The following RASSF6 variants were observed in gnomAD, a reference collection of about 807,000 sequenced individuals.
RASSF6 encodes the protein Ras association domain family member 6, also known as ras association domain-containing protein 6.
A neutral mutation model predicts 44.0 loss-of-function variants in RASSF6; 52 were observed. The ratio of observed to expected loss-of-function variants is 1.18; its 90% CI spans 0.95 to 1.49. RASSF6 has a LOEUF of 1.49. Ranked by LOEUF, RASSF6 falls within the 40% of genes most tolerant of loss-of-function variation. The pLI, the probability that RASSF6 is intolerant of heterozygous loss-of-function variation, is 0.00. For synonymous variants in RASSF6, 162 were observed against 124.6 expected (o/e 1.30, Z -2.00); for missense variants, 464 against 393.3 (o/e 1.18, Z -1.52).
chr4:73,603,438 T>C (rs1414143134), intron 2 of RASSF6, among the ~76,000 whole-genome samples: 1 of 151,812 alleles, frequency 6.6e-6, no homozygotes, highest in East Asian at 1.9e-4. Context: ...ATCATGGCCC[T>C]GGAAGAGAGC....
chr4:73,576,700 C>G lies in RASSF6; in HGVS notation c.753G>C (p.Pro251=), dbSNP rs147932445. Residue 251 remains proline, a synonymous_variant, in exon 9 of 11, where the codon CCG becomes CCC. Coordinates refer to ENST00000307439, the MANE Select transcript of RASSF6 (RefSeq NM_177532.5). ...GTCCCTGTAGGAGCCTCTGCAGTAG[C>G]GGAATGTCTGTCTTCTTTAGTCGTC... is the stretch of plus-strand genomic sequence containing the variant. ...EQRRLKKTDI[P]LLQRLLQGPS... is the part of the protein sequence containing the mutation. The G allele has an allele frequency of 2.5e-6, 4 of 1,612,468 alleles. No individual in the cohort carries two copies. Among genetic ancestry groups the G allele is most frequent in the Middle Eastern group, 1.7e-4 (1 of 6,056 alleles).
At chr4:73,578,981 A>G (rs973805829) in intron 8 of RASSF6, among the ~76,000 whole-genome samples, 4 of 152,026 alleles carry the variant, frequency 2.6e-5, no homozygotes, top group Middle Eastern at 3.2e-3. Context: ...ATGGTTTTGT[A>G]TTTATCACTC....
At chr4:73,593,365 T>A in intron 4 of RASSF6, 86 bp downstream of exon 4, 2 of 1,285,148 alleles carry the variant, frequency 1.6e-6, no homozygotes, top group South Asian at 2.9e-5. Context: ...TACACAAGCT[T>A]AAGTTTCCCT....
chr4:73,581,467 C>G (rs1723641873), intron 8 of RASSF6, among the ~76,000 whole-genome samples: 1 of 152,082 alleles, frequency 6.6e-6, no homozygotes, highest in Non-Finnish European at 1.5e-5. Flanking sequence ...CATGACTCCT[C>G]TAAGAGCAAC....
At chr4:73,618,154 G>A (rs1188420425) in intron 1 of RASSF6, among the ~76,000 whole-genome samples, 1 of 152,026 alleles carries the variant, frequency 6.6e-6, no homozygotes, top group African/African-American at 2.4e-5. Flanking sequence ...TCATTGCTGG[G>A]TCTCTCTGTG....
intron 4 of RASSF6, 85 bp from the exon 5 acceptor site, chr4:73,588,019 G>T: frequency 2.4e-6 from 2 of 826,168 alleles, no homozygotes; most frequent in Non-Finnish European, 4.0e-6. Context: ...TATTAATATA[G>T]TAATACTGTG....
Position 73,575,029 on chromosome 4 carries a change from C to A in RASSF6, c.*1206G>T, listed in dbSNP as rs756913284. On this transcript the variant is annotated 3_prime_UTR_variant, in exon 11 of 11. Transcript: ENST00000307439. ...TTGAAAAGGCCATAGCACACTTTCA[C>A]CTTCAACCAGTTTAGGTTTGGTAAT... 6.6e-6 allele frequency: 1 copy of A among 152,128 alleles called. No individual in the cohort carries two copies. The highest frequency in any genetic ancestry group is 1.5e-5 in the Non-Finnish European group (1 of 68,022). The allele number at this position is 152,128 out of a possible 1,614,324, so 9.4% of individuals were successfully genotyped here.
At chr4:73,593,381 A>C (rs1724710634) in intron 4 of RASSF6, 70 bp downstream of exon 4, 6 of 1,405,606 alleles carry the variant, frequency 4.3e-6, no homozygotes, top group Admixed American at 2.2e-5. Flanking sequence ...TCCCTCCTTA[A>C]GAGTGCACGC....
chr4:73,617,330 G>T (rs574023861), intron 1 of RASSF6, among the ~76,000 whole-genome samples: 2 of 152,278 alleles, frequency 1.3e-5, no homozygotes, highest in South Asian at 4.1e-4. Context: ...TCTGCTCAAG[G>T]TGCCCTCAGG....
chr4:73,609,450 C>CAA (rs1281427689), intron 2 of RASSF6, among the ~76,000 whole-genome samples: 3 of 152,152 alleles, frequency 2.0e-5, no homozygotes, highest in Non-Finnish European at 4.4e-5. Flanking sequence ...TTTCTAAACT[C>CAA]AGAGAATTCT....
intron 4 of RASSF6, among the ~76,000 whole-genome samples, chr4:73,590,732 G>A (rs1724483242): frequency 6.6e-6 from 1 of 152,176 alleles, no homozygotes; most frequent in Admixed American, 6.5e-5. Context: ...TCTTGCTCTT[G>A]TTTGCGTGTG....
chr4:73,609,855 T>C (rs1725884375), intron 2 of RASSF6, among the ~76,000 whole-genome samples: 1 of 152,190 alleles, frequency 6.6e-6, no homozygotes, highest in African/African-American at 2.4e-5. Flanking sequence ...ATTTTGTTTA[T>C]GTTAGGAGGT....
intron 8 of RASSF6, among the ~76,000 whole-genome samples, chr4:73,577,309 T>C (rs867730292): frequency 2.6e-5 from 4 of 152,156 alleles, no homozygotes; most frequent in Non-Finnish European, 5.9e-5. Flanking sequence ...TCCAATCTGG[T>C]GTGTTTCCAG....
intron 1 of RASSF6, among the ~76,000 whole-genome samples, chr4:73,617,680 T>G (rs1220652502): frequency 3.9e-5 from 6 of 152,246 alleles, no homozygotes; most frequent in Admixed American, 6.5e-5. Flanking sequence ...ACACTTCATG[T>G]TCTACTCCTG....
At chr4:73,600,402 C>T (rs1725203427) in intron 2 of RASSF6, among the ~76,000 whole-genome samples, 1 of 151,552 alleles carries the variant, frequency 6.6e-6, no homozygotes, top group African/African-American at 2.4e-5. Context: ...AAAAAAGACC[C>T]AACAAGTCAT....
chr4:73,572,207 G>T lies in RASSF6; in HGVS notation c.*4028C>A, dbSNP rs1447560060. On this transcript the variant is annotated 3_prime_UTR_variant, in exon 11 of 11. Transcript: ENST00000307439. ...ATTCCCTGCTGGCATTTGATAGAAG[G>T]TCTCAGTTCTTCATCATGTAGGTCT... 1 of 152,140 alleles carries T rather than the reference G, an allele frequency of 6.6e-6. No individual in the cohort carries two copies. Among genetic ancestry groups the T allele is most frequent in the Non-Finnish European group, 1.5e-5 (1 of 68,060 alleles). 9.4% of individuals were successfully genotyped at this position (152,140 alleles called of 1,614,324 possible). A position where few individuals can be genotyped will look rare whatever the true frequency, so the allele number is the denominator to read the frequency against.
At position 73,620,334 on chromosome 4, in the gene RASSF6, T is replaced by C. The variant is rs1726620015; in HGVS notation, c.-81A>G. ...GGAGGACCCTTTTCACCATCGTTGT[T>C]CGGCTGAACTTGCTTCGCGGTTTGT... On this transcript the variant is annotated 5_prime_UTR_variant, in exon 1 of 11. Transcript: ENST00000307439. 2 of 1,483,224 alleles carry C rather than the reference T, an allele frequency of 1.3e-6. No homozygotes were observed. Among genetic ancestry groups the C allele is most frequent in the Admixed American group, 2.9e-5 (1 of 34,334 alleles). The allele number at this position is 1,483,224 out of a possible 1,614,324, so 91.9% of individuals were successfully genotyped here.
chr4:73,577,875 A>T (rs902775512), intron 8 of RASSF6, among the ~76,000 whole-genome samples: 1 of 152,184 alleles, frequency 6.6e-6, no homozygotes, highest in Non-Finnish European at 1.5e-5. Context: ...ATCTGGAAGG[A>T]CTTGGGAATC....
At chr4:73,596,597 A>T (rs1724957407) in intron 3 of RASSF6, among the ~76,000 whole-genome samples, 1 of 152,226 alleles carries the variant, frequency 6.6e-6, no homozygotes, top group South Asian at 2.1e-4. Context: ...ACTACTGTTG[A>T]CATTCTTCAC....
Sources: gnomAD v4.1 joint callset for allele counts (sites outside exome capture counted in the v4.1 genomes callset) on GRCh38, gnomAD v4.1.1 for gene constraint, MANE v1.5 for transcripts, NCBI Gene and HGNC (gene_info 2026-07-23, HGNC 2026-07-21) for gene names.